SPG11: variants seen among roughly 807,000 people sequenced by gnomAD.
SPG11 encodes spatacsin.
SPG11 carries 222 observed loss-of-function variants against 274.0 expected under a neutral mutation model. The ratio of observed to expected loss-of-function variants is 0.81; its 90% CI spans 0.73 to 0.91. The LOEUF (loss-of-function observed/expected upper bound fraction) is 0.91. SPG11 is among the 40% of genes least tolerant of loss of function. The pLI, the probability that SPG11 is intolerant of heterozygous loss-of-function variation, is 0.00. For missense variants in SPG11, 3,114 were observed against 2,872.7 expected, an observed-to-expected ratio of 1.08 and a Z score of -1.92; for synonymous variants, 1,144 against 1,039.7, an observed-to-expected ratio of 1.10 and a Z score of -1.93.
chr15:44,607,147 A>C (rs1215439094), intron 19 of SPG11, among the ~76,000 whole-genome samples: 1 of 152,210 alleles, frequency 6.6e-6, no homozygotes, highest in Admixed American at 6.5e-5. Context: ...CACAGCAGAT[A>C]TATATTTTGG....
At chr15:44,647,461 C>G (rs763759123) in intron 7 of SPG11, among the ~76,000 whole-genome samples, 13 of 152,122 alleles carry the variant, frequency 8.5e-5, no homozygotes, top group Non-Finnish European at 2.9e-5. Flanking sequence ...AAAACTTGTA[C>G]ACAAATGTCC....
chr15:44,596,035 A>G, intron 25 of SPG11, 48 bp downstream of exon 25: 1 of 1,608,620 alleles, frequency 6.2e-7, no homozygotes, highest in South Asian at 1.1e-5. Flanking sequence ...CTCATTACTT[A>G]TTCTATTGTT....
rs952927034 is a variant in SPG11 at position 44,570,579 on chromosome 15, G to A, written c.6423C>T (p.Ala2141=). Residue 2141 remains alanine, a synonymous_variant, in exon 34 of 40, where the codon GCC becomes GCT. Transcript: ENST00000261866. ...GGTGGTTATCTGTGAGCATGTGGGC[G>A]GCCTGTAGGACTCGGATGATGCCCT... is the stretch of plus-strand genomic sequence containing the variant. ...HMEGIIRVLQ[A]AHMLTDNHLA... 50 of 1,613,990 alleles carry A rather than the reference G, an allele frequency of 3.1e-5. No homozygotes were observed. Among genetic ancestry groups the A allele is most frequent in the East Asian group, 6.7e-5 (3 of 44,900 alleles).
At chr15:44,632,799 AT>A (rs1462105818) in intron 8 of SPG11, among the ~76,000 whole-genome samples, 1 of 152,130 alleles carries the variant, frequency 6.6e-6, no homozygotes, top group African/African-American at 2.4e-5. Flanking sequence ...GAGCCACTGC[AT>A]CCCACCAAAA....
chr15:44,648,825 A>G, intron 7 of SPG11, 41 bp downstream of exon 7: 1 of 1,603,078 alleles, frequency 6.2e-7, no homozygotes, highest in Non-Finnish European at 8.5e-7. Flanking sequence ...TATATAACAC[A>G]AAATAATTAA....
chr15:44,574,959 T>A lies in SPG11; in HGVS notation c.5949A>T (p.Lys1983Asn). 6.2e-7 allele frequency: 1 copy of A among 1,614,092 alleles called. No individual in the cohort carries two copies. Among genetic ancestry groups the A allele is most frequent in the Non-Finnish European group, 8.5e-7 (1 of 1,180,026 alleles). ...VVTNLEVLTS[K>N]CLHGKNYCRQ... ...GACAGTAGTTCTTCCCATGGAGGCA[T>A]TTGCTTGTCAGCACTTCCAGGTTAG... Residue 1983 changes from lysine to asparagine, a missense_variant, in exon 31 of 40, where the codon AAA becomes AAT. Physicochemically the swap from Lys to Asn is moderately conservative, Grantham distance 94. Transcript: ENST00000261866.
At chr15:44,629,585 T>A (rs2083999102) in intron 8 of SPG11, among the ~76,000 whole-genome samples, 197 bp from the exon 9 acceptor site, 1 of 152,226 alleles carries the variant, frequency 6.6e-6, no homozygotes, top group African/African-American at 2.4e-5. Context: ...TAGTTATCAT[T>A]TACTGATATC....
Position 44,562,940 on chromosome 15 carries a change from AT to A in SPG11, c.*180del, listed in dbSNP as rs1168140581. 2 of 603,920 alleles carry A rather than the reference AT, an allele frequency of 3.3e-6. No individual in the cohort carries two copies. The highest frequency in any genetic ancestry group is 5.8e-6 in the Non-Finnish European group (2 of 342,614). The allele number at this position is 603,920 out of a possible 1,614,324, so 37.4% of individuals were successfully genotyped here. ...ATGAACAATCATCTAAAATCAATCT[AT>A]TTTAAATAGGAATTTCCTCCTGAAA... On this transcript the variant is annotated 3_prime_UTR_variant, in exon 40 of 40. Coordinates refer to ENST00000261866, the MANE Select transcript of SPG11 (RefSeq NM_025137.4).
At chr15:44,611,091 TAAAAAAAAAA>T (rs35831490) in intron 17 of SPG11, 106 bp from the exon 18 acceptor site, 3,256 of 70,146 alleles carry the variant, frequency 0.046, 182 homozygotes, top group East Asian at 0.14. Context: ...CTATCCCCAG[TAAAAAAAAAA>T]AAAAAAAAAA....
intron 20 of SPG11, among the ~76,000 whole-genome samples, chr15:44,604,995 T>C (rs1049366266): frequency 2.6e-5 from 4 of 151,274 alleles, no homozygotes; most frequent in African/African-American, 9.7e-5. Context: ...ATTTACTTTG[T>C]GCTTTATTTC....
intron 6 of SPG11, among the ~76,000 whole-genome samples, chr15:44,649,584 T>C (rs146460131): frequency 2.0e-5 from 3 of 151,958 alleles, no homozygotes; most frequent in African/African-American, 2.4e-5. Flanking sequence ...ATAAGAGCAA[T>C]GCATTTTATG....
intron 4 of SPG11, among the ~76,000 whole-genome samples, chr15:44,654,176 A>C (rs924070793): frequency 6.6e-6 from 1 of 152,174 alleles, no homozygotes; most frequent in African/African-American, 2.4e-5. Flanking sequence ...GAATGCATAA[A>C]AGTTACATAG....
intron 11 of SPG11, 82 bp downstream of exon 11, chr15:44,626,249 T>C (rs1379860367): frequency 8.3e-7 from 1 of 1,210,766 alleles, no homozygotes; most frequent in African/African-American, 1.6e-5. Context: ...GTTTATGAAA[T>C]AATTATGAAT....
At chr15:44,656,429 T>A (rs2084942210) in intron 4 of SPG11, among the ~76,000 whole-genome samples, 1 of 152,184 alleles carries the variant, frequency 6.6e-6, no homozygotes, top group Non-Finnish European at 1.5e-5. Flanking sequence ...AGTAACTGTA[T>A]GATGGATCAC....
At chr15:44,652,664 T>C (rs923682202) in intron 4 of SPG11, among the ~76,000 whole-genome samples, 1 of 151,754 alleles carries the variant, frequency 6.6e-6, no homozygotes, top group Admixed American at 6.6e-5. Flanking sequence ...TTTTCTTTTT[T>C]TTTTTTTTGA....
intron 3 of SPG11, among the ~76,000 whole-genome samples, chr15:44,657,708 G>C (rs2084981345): frequency 6.6e-6 from 1 of 152,088 alleles, no homozygotes; most frequent in African/African-American, 2.4e-5. Flanking sequence ...ATTTTACTTA[G>C]AGCACATCTT....
intron 14 of SPG11, 42 bp downstream of exon 14, chr15:44,621,717 C>T: frequency 6.4e-7 from 1 of 1,564,918 alleles, no homozygotes; most frequent in Non-Finnish European, 8.8e-7. Context: ...CCAATTTAAT[C>T]CTCATTCAGT....
intron 31 of SPG11, among the ~76,000 whole-genome samples, 164 bp downstream of exon 31, chr15:44,574,738 C>A (rs568954358): frequency 2.0e-5 from 3 of 152,192 alleles, no homozygotes; most frequent in Admixed American, 6.5e-5. Flanking sequence ...GTCCTCCCCA[C>A]CATTCCCCAA....
At chr15:44,657,365 G>T (rs2084971963) in intron 3 of SPG11, 69 bp from the exon 4 acceptor site, 3 of 1,448,840 alleles carry the variant, frequency 2.1e-6, no homozygotes, top group Non-Finnish European at 2.9e-6. Flanking sequence ...CACAGGTTGG[G>T]AAAGAGCTAT....
Sources: allele counts gnomAD v4.1 joint callset (sites outside exome capture counted in the v4.1 genomes callset), GRCh38; gene constraint gnomAD v4.1.1; transcripts MANE v1.5; gene names NCBI Gene and HGNC (gene_info 2026-07-23, HGNC 2026-07-21).